The following MYO5A variants were observed in gnomAD, a reference collection of about 807,000 sequenced individuals.
MYO5A encodes unconventional myosin-Va.
MYO5A carries 98 observed loss-of-function variants against 249.7 expected under a neutral mutation model. The observed-to-expected ratio is 0.39, with a 90% CI of 0.33 to 0.46. MYO5A has a LOEUF of 0.46. Ranked by LOEUF, MYO5A falls within the 20% of genes least tolerant of loss-of-function variation. The pLI, the probability that MYO5A is intolerant of heterozygous loss-of-function variation, is 0.98. For synonymous variants in MYO5A, 778 were observed against 810.6 expected, an observed-to-expected ratio of 0.96 and a Z score of 0.68; for missense variants, 1,696 against 2,308.8, an observed-to-expected ratio of 0.73 and a Z score of 5.44.
At chr15:52,334,200 T>G (rs756074968) in intron 34 of MYO5A, among the ~76,000 whole-genome samples, 30 of 152,178 alleles carry the variant, frequency 2.0e-4, no homozygotes, top group Admixed American at 6.5e-5. Flanking sequence ...AATATACATA[T>G]CAAAGAAAAC....
At chr15:52,451,417 G>C (rs912045146) in intron 1 of MYO5A, among the ~76,000 whole-genome samples, 3 of 152,182 alleles carry the variant, frequency 2.0e-5, no homozygotes, top group African/African-American at 7.2e-5. Flanking sequence ...TCAGCAGCCA[G>C]AGTGATGTTT....
intron 1 of MYO5A, among the ~76,000 whole-genome samples, chr15:52,521,904 G>A (rs536216183): frequency 6.6e-6 from 1 of 152,262 alleles, no homozygotes; most frequent in East Asian, 1.9e-4. Context: ...TTAACCAAAG[G>A]GCATTTCAGA....
At chr15:52,345,958 C>G (rs1180686399) in intron 30 of MYO5A, among the ~76,000 whole-genome samples, 1 of 152,186 alleles carries the variant, frequency 6.6e-6, no homozygotes, top group East Asian at 1.9e-4. Flanking sequence ...CTCATCACTT[C>G]TTTTCACTCT....
chr15:52,526,532 T>C (rs949097633), intron 1 of MYO5A, among the ~76,000 whole-genome samples: 5 of 152,174 alleles, frequency 3.3e-5, no homozygotes, highest in Admixed American at 1.3e-4. Flanking sequence ...CAGCTAATTT[T>C]CTATTTTTAG....
chr15:52,323,394 G>C lies in MYO5A; in HGVS notation c.4761C>G (p.Cys1587Trp). The change falls in exon 37 of 42, where the codon TGC becomes TGG. Residue 1587 changes from cysteine (C) to tryptophan (W), a missense_variant. Physicochemically the swap from Cys to Trp is radical, Grantham distance 215. Coordinates refer to ENST00000399233, the MANE Select transcript of MYO5A (RefSeq NM_001382347.1). ...ACTGTTTCAAGCAGTGCAAAAATCG[G>C]CATGTGTTAGAGAGCCAGAAGGAGA... is the stretch of plus-strand genomic sequence containing the variant. The part of the protein sequence containing the change: ...ETVSFWLSNT[C>W]RFLHCLKQYS... The C allele has an allele frequency of 6.2e-7, 1 of 1,613,698 alleles. No homozygotes were observed. Among genetic ancestry groups the C allele is most frequent in the Non-Finnish European group, 8.5e-7 (1 of 1,179,760 alleles).
At chr15:52,366,947 G>T in intron 23 of MYO5A, 84 bp downstream of exon 23, 1 of 1,127,404 alleles carries the variant, frequency 8.9e-7, no homozygotes, top group Non-Finnish European at 1.3e-6. Context: ...TCTAAATAAT[G>T]TTGTGTAACT....
chr15:52,461,487 G>A (rs1264052202), intron 1 of MYO5A, among the ~76,000 whole-genome samples: 4 of 152,120 alleles, frequency 2.6e-5, no homozygotes, highest in African/African-American at 9.7e-5. Context: ...CTTAAAAACA[G>A]GCTAGCTTGC....
At chr15:52,347,452 C>T (rs180713338) in intron 29 of MYO5A, among the ~76,000 whole-genome samples, 284 of 152,250 alleles carry the variant, frequency 1.9e-3, no homozygotes, top group African/African-American at 6.6e-3. Context: ...GCTTTTGGAC[C>T]ACATATTTGT....
intron 38 of MYO5A, among the ~76,000 whole-genome samples, 155 bp from the exon 39 acceptor site, chr15:52,319,497 G>A (rs556005685): frequency 5.9e-5 from 9 of 152,314 alleles, no homozygotes; most frequent in Middle Eastern, 3.4e-3. Flanking sequence ...GGAGGCCGCC[G>A]AGGTGGGTGG....
intron 1 of MYO5A, among the ~76,000 whole-genome samples, chr15:52,523,206 T>C (rs570064675): frequency 6.6e-6 from 1 of 152,248 alleles, no homozygotes; most frequent in East Asian, 1.9e-4. Context: ...TATCCTCTTC[T>C]TTCCCACACC....
At chr15:52,390,928 G>A (rs1187762188) in intron 12 of MYO5A, among the ~76,000 whole-genome samples, 1 of 151,906 alleles carries the variant, frequency 6.6e-6, no homozygotes, top group Non-Finnish European at 1.5e-5. Context: ...ATTTTTTTCA[G>A]CTTTGCAACA....
At chr15:52,343,725 T>C (rs186436209) in intron 30 of MYO5A, among the ~76,000 whole-genome samples, 11 of 152,338 alleles carry the variant, frequency 7.2e-5, no homozygotes, top group East Asian at 1.9e-4. Context: ...AATCAGAACA[T>C]GTCCAAGGTT....
chr15:52,518,196 G>T (rs2077534245), intron 1 of MYO5A, among the ~76,000 whole-genome samples: 1 of 145,420 alleles, frequency 6.9e-6, no homozygotes, highest in South Asian at 2.1e-4. Context: ...GGTGCTACTG[G>T]ATCTCATAGA....
At chr15:52,378,515 C>CAAAACAAAAAAAAAAAAAAAAAAAAAAAA (rs2041551861) in intron 18 of MYO5A, among the ~76,000 whole-genome samples, 1 of 10,474 alleles carries the variant, frequency 9.5e-5, no homozygotes, top group African/African-American at 1.5e-4. Flanking sequence ...AAGACTGTCT[C>CAAAACAAAAAAAAAAAAAAAAAAAAAAAA]AAAAAAAAAA....
At chr15:52,428,328 C>G in intron 3 of MYO5A, 70 bp downstream of exon 3, 1 of 1,486,036 alleles carries the variant, frequency 6.7e-7, no homozygotes, top group Non-Finnish European at 9.4e-7. Flanking sequence ...TCCCCATGTA[C>G]AATATTTCTA....
chr15:52,481,725 T>C (rs1381880337), intron 1 of MYO5A, among the ~76,000 whole-genome samples: 7 of 152,040 alleles, frequency 4.6e-5, no homozygotes, highest in Non-Finnish European at 8.8e-5. Flanking sequence ...CAGGATAAAA[T>C]ACACATGAGG....
chr15:52,340,082 A>G, intron 32 of MYO5A, 114 bp downstream of exon 32: 1 of 1,077,092 alleles, frequency 9.3e-7, no homozygotes, highest in Non-Finnish European at 1.4e-6. Flanking sequence ...GAGGGGTAAC[A>G]AGTACAGAGG....
intron 6 of MYO5A, 67 bp from the exon 7 acceptor site, chr15:52,408,207 A>G: frequency 4.4e-6 from 4 of 912,972 alleles, no homozygotes; most frequent in Non-Finnish European, 7.1e-6. Context: ...CTATCATAAA[A>G]TAAGATTTTA....
At chr15:52,382,979 C>A (rs2041819771) in intron 16 of MYO5A, 112 bp downstream of exon 16, 1 of 922,138 alleles carries the variant, frequency 1.1e-6, no homozygotes, top group African/African-American at 1.6e-5. Flanking sequence ...TGAAGACTTA[C>A]CCAAATATTT....
Sources: allele counts gnomAD v4.1 joint callset (sites outside exome capture counted in the v4.1 genomes callset), GRCh38; gene constraint gnomAD v4.1.1; transcripts MANE v1.5; gene names NCBI Gene and HGNC (gene_info 2026-07-23, HGNC 2026-07-21).